The following RIMKLB variants were observed in gnomAD, a reference collection of about 807,000 sequenced individuals.
RIMKLB encodes beta-citrylglutamate synthase B.
Under a neutral mutation model 32.0 loss-of-function variants are expected in RIMKLB, and 7 were observed. The ratio of observed to expected loss-of-function variants is 0.22; its 90% CI spans 0.12 to 0.41. The LOEUF is 0.41. RIMKLB is among the 10% of genes least tolerant of loss of function. RIMKLB has a pLI of 1.00. For missense variants in RIMKLB, 289 were observed against 498.7 expected, an observed-to-expected ratio of 0.58 and a Z score of 4.00; for synonymous variants, 172 against 185.1, an observed-to-expected ratio of 0.93 and a Z score of 0.57.
At chr12:8,726,105 C>T (rs1344828629) in intron 2 of RIMKLB, among the ~76,000 whole-genome samples, 1 of 152,228 alleles carries the variant, frequency 6.6e-6, no homozygotes, top group Non-Finnish European at 1.5e-5. Context: ...GCCTCAGCAT[C>T]CCATGGTGCT....
chr12:8,678,067 C>G (rs1942354565), upstream of RIMKLB, among the ~76,000 whole-genome samples: 1 of 151,704 alleles, frequency 6.6e-6, no homozygotes, highest in Admixed American at 6.6e-5. Flanking sequence ...CAGGTGTAAA[C>G]CACCATGCTC....
intron 1 of RIMKLB, among the ~76,000 whole-genome samples, chr12:8,707,961 C>T (rs763567821): frequency 1.3e-4 from 20 of 152,264 alleles, no homozygotes; most frequent in African/African-American, 4.8e-4. Flanking sequence ...TTTCCCGAAG[C>T]AAGCCTGTAT....
chr12:8,721,174 A>G (rs1353196016), intron 2 of RIMKLB, among the ~76,000 whole-genome samples: 3 of 152,202 alleles, frequency 2.0e-5, no homozygotes, highest in Non-Finnish European at 4.4e-5. Flanking sequence ...AGTCAAGCAA[A>G]TATCACAATA....
At chr12:8,755,309 C>T (rs1294624913) in intron 5 of RIMKLB, among the ~76,000 whole-genome samples, 1 of 151,330 alleles carries the variant, frequency 6.6e-6, no homozygotes, top group Non-Finnish European at 1.5e-5. Context: ...CTATGTTGCT[C>T]AGGCTGGTTT....
chr12:8,754,402 T>C (rs1452349381), intron 5 of RIMKLB, among the ~76,000 whole-genome samples: 3 of 152,238 alleles, frequency 2.0e-5, no homozygotes, highest in South Asian at 4.1e-4. Context: ...GATGTACTTA[T>C]TTTGTATATA....
chr12:8,717,473 A>G (rs1231606511), intron 2 of RIMKLB, among the ~76,000 whole-genome samples: 1 of 150,876 alleles, frequency 6.6e-6, no homozygotes, highest in Non-Finnish European at 1.5e-5. Flanking sequence ...GTGTCAGTGT[A>G]TGTAAAACTG....
intron 2 of RIMKLB, among the ~76,000 whole-genome samples, chr12:8,727,164 GACAC>G (rs150911891): frequency 1.8e-4 from 27 of 151,860 alleles, no homozygotes; most frequent in East Asian, 5.8e-4. Flanking sequence ...CGTGCACACA[GACAC>G]ACACACACAC....
intron 2 of RIMKLB, among the ~76,000 whole-genome samples, chr12:8,748,781 A>G (rs770274828): frequency 3.9e-5 from 6 of 152,008 alleles, no homozygotes; most frequent in Admixed American, 1.3e-4. Flanking sequence ...TACTAAAAAT[A>G]CAAAAAAATT....
chr12:8,723,804 C>CTTTTTTTTTTTTT (rs35269536), intron 2 of RIMKLB, among the ~76,000 whole-genome samples: 4 of 75,520 alleles, frequency 5.3e-5, no homozygotes, highest in African/African-American at 2.1e-4. Flanking sequence ...CTTCAGTTCC[C>CTTTTTTTTTTTTT]TTTTTTTTTT....
Position 8,775,940 on chromosome 12 carries a change from C to G in RIMKLB, c.*2156C>G. 1 of 984,576 alleles carries G rather than the reference C, an allele frequency of 1.0e-6. No individual in the cohort carries two copies. Among genetic ancestry groups the G allele is most frequent in the African/African-American group, 1.7e-5 (1 of 57,338 alleles). The allele number at this position is 984,576 out of a possible 1,614,324, so 61.0% of individuals were successfully genotyped here. A position where few individuals can be genotyped will look rare whatever the true frequency, so the allele number is the denominator to read the frequency against. ...TAACAGAAAGAAATACTTGGTACTT[C>G]TTTCGCTGAATGACCATACTGTGGA... On this transcript the variant is annotated 3_prime_UTR_variant, in exon 6 of 6. Transcript: ENST00000535829.
intron 3 of RIMKLB, among the ~76,000 whole-genome samples, chr12:8,751,097 A>T (rs147729374): frequency 6.6e-6 from 1 of 152,196 alleles, no homozygotes; most frequent in African/African-American, 2.4e-5. Flanking sequence ...CAGAATTAAT[A>T]TAAGTTGAGA....
At chr12:8,765,330 A>C (rs1949865011) in intron 5 of RIMKLB, among the ~76,000 whole-genome samples, 1 of 152,124 alleles carries the variant, frequency 6.6e-6, no homozygotes, top group South Asian at 2.1e-4. Context: ...TCTGTGTCCC[A>C]GTGAGGGTCT....
intron 5 of RIMKLB, among the ~76,000 whole-genome samples, chr12:8,765,486 T>A (rs571357751): frequency 2.0e-5 from 3 of 152,310 alleles, no homozygotes; most frequent in African/African-American, 7.2e-5. Flanking sequence ...AGTGTCTGAT[T>A]TAGCAGTAAC....
intron 5 of RIMKLB, among the ~76,000 whole-genome samples, chr12:8,770,218 C>CT (rs1193977067): frequency 6.6e-6 from 1 of 152,226 alleles, no homozygotes; most frequent in African/African-American, 2.4e-5. Context: ...TCGCCTCGAC[C>CT]TCCCATAGTG....
At chr12:8,772,752 C>T (rs1388422086) in intron 5 of RIMKLB, among the ~76,000 whole-genome samples, 3 of 152,208 alleles carry the variant, frequency 2.0e-5, no homozygotes, top group Non-Finnish European at 2.9e-5. Context: ...TTCAGAGCTT[C>T]GTGAAGCTGA....
intron 5 of RIMKLB, among the ~76,000 whole-genome samples, chr12:8,770,255 G>T (rs772198270): frequency 6.6e-6 from 1 of 152,168 alleles, no homozygotes; most frequent in African/African-American, 2.4e-5. Flanking sequence ...GAGCCACCGC[G>T]CCTGGCCTAT....
At chr12:8,756,973 C>T (rs957807412) in intron 5 of RIMKLB, among the ~76,000 whole-genome samples, 17 of 152,154 alleles carry the variant, frequency 1.1e-4, no homozygotes, top group African/African-American at 3.9e-4. Context: ...TGTGAGCCAC[C>T]GTGCCCAGCC....
intron 4 of RIMKLB, among the ~76,000 whole-genome samples, chr12:8,752,684 T>C (rs949107726): frequency 6.6e-6 from 1 of 152,208 alleles, no homozygotes. Flanking sequence ...GAAAATATCT[T>C]AATGACTTTG....
Position 8,762,390 on chromosome 12 carries a change from C to CTAG in RIMKLB, c.697+8298_697+8300dup, listed in dbSNP as rs373725227. ...GTTTCCCGGAGGGGATTACCCCATG[C>CTAG]TAGGGTCCTTCTATAAGCATTTCTA... On this transcript the variant is annotated intron_variant, in intron 5 of 5. Coordinates refer to ENST00000535829, the MANE Select transcript of RIMKLB (RefSeq NM_001297776.2). 4.4e-3 allele frequency among the ~76,000 whole-genome samples: 668 copies of CTAG among 152,194 alleles called. 6 individuals are homozygous for CTAG. Among genetic ancestry groups the CTAG allele is most frequent in the African/African-American group, 0.015 (643 of 41,528 alleles).
Sources: gnomAD v4.1 joint callset for allele counts (sites outside exome capture counted in the v4.1 genomes callset) on GRCh38, gnomAD v4.1.1 for gene constraint, MANE v1.5 for transcripts, NCBI Gene and HGNC (gene_info 2026-07-23, HGNC 2026-07-21) for gene names.